Variants in SLC4A4 observed in about 807,000 individuals in gnomAD.
SLC4A4 encodes the protein electrogenic sodium bicarbonate cotransporter 1.
In SLC4A4, 27 loss-of-function variants were observed where a neutral mutation model predicts 111.5. The observed-to-expected ratio is 0.24, with a 90% CI of 0.18 to 0.33. The LOEUF (loss-of-function observed/expected upper bound fraction) is 0.33. SLC4A4 is among the 10% of genes least tolerant of loss of function. The pLI, the probability that SLC4A4 is intolerant of heterozygous loss-of-function variation, is 1.00. For synonymous variants in SLC4A4, 443 were observed against 463.4 expected, an observed-to-expected ratio of 0.96 and a Z score of 0.57; for missense variants, 909 against 1,315.5, an observed-to-expected ratio of 0.69 and a Z score of 4.78.
chr4:71,503,655 T>A (rs1164499492), intron 16 of SLC4A4, among the ~76,000 whole-genome samples: 1 of 152,204 alleles, frequency 6.6e-6, no homozygotes, highest in African/African-American at 2.4e-5. Flanking sequence ...TCTTAGTCAC[T>A]AATTATGGCT....
chr4:71,170,088 C>T (rs902257130), intron 2 of SLC4A4, among the ~76,000 whole-genome samples: 1 of 152,210 alleles, frequency 6.6e-6, no homozygotes, highest in Non-Finnish European at 1.5e-5. Context: ...GATCCTTTAA[C>T]GTGAGCTGTT....
Position 71,473,448 on chromosome 4 carries a change from A to C in SLC4A4, c.1903+478A>C, listed in dbSNP as rs371699914. On this transcript the variant is annotated intron_variant, in intron 14 of 25. Transcript: ENST00000264485. ...GATAATTTAAAGAATTAAATTATGA[A>C]AAAAAGAAATTCAGATTGGAATTGC... The C allele has an allele frequency of 3.1e-5, 7 of 227,258 alleles. No homozygotes were observed. In the East Asian group the frequency reaches 6.3e-4, roughly 20 times the overall value. 14.1% of individuals were successfully genotyped at this position (227,258 alleles called of 1,614,324 possible).
intron 1 of SLC4A4, among the ~76,000 whole-genome samples, chr4:71,082,016 A>G (rs762289302): frequency 6.6e-6 from 1 of 152,024 alleles, no homozygotes; most frequent in Admixed American, 6.5e-5. Context: ...TAAATGTACT[A>G]TCCAAATACC....
intron 2 of SLC4A4, among the ~76,000 whole-genome samples, chr4:71,250,547 T>C (rs1720992555): frequency 6.6e-6 from 1 of 152,158 alleles, no homozygotes; most frequent in Admixed American, 6.6e-5. Context: ...AGTACTGACA[T>C]ATCAGGTTAA....
intron 2 of SLC4A4, among the ~76,000 whole-genome samples, chr4:71,124,258 T>C (rs1030138552): frequency 6.6e-6 from 1 of 151,446 alleles, no homozygotes; most frequent in Non-Finnish European, 1.5e-5. Flanking sequence ...CTGCAACCTT[T>C]GCCTCCTGGT....
At chr4:71,269,858 T>C (rs911106856) in intron 3 of SLC4A4, among the ~76,000 whole-genome samples, 1 of 152,196 alleles carries the variant, frequency 6.6e-6, no homozygotes, top group Non-Finnish European at 1.5e-5. Context: ...ACTTACGAGC[T>C]TTTTGATGGT....
rs541738338 is a variant in SLC4A4, at chr4:71,410,839, G to A, written c.807+13186G>A. On this transcript the variant is annotated intron_variant, in intron 7 of 25. Coordinates refer to ENST00000264485, the MANE Select transcript of SLC4A4 (RefSeq NM_001098484.3). ...GTATATACAGGCAAATTTTATATTG[G>A]TGGTATTCTCTTTCCCCTCTCCTTT... is the stretch of plus-strand genomic sequence containing the variant. 1.1e-4 allele frequency among the ~76,000 whole-genome samples: 17 copies of A among 152,110 alleles called. No individual in the cohort carries two copies. In the East Asian group the frequency reaches 2.1e-3, roughly 19 times the overall value.
rs145711074 is a variant in SLC4A4 at position 71,070,361 on chromosome 4, CT to C, written c.-65+7576del. On this transcript the variant is annotated intron_variant, in intron 1 of 26. Transcript: ENST00000649996. ...ACTTAGTCACTCAGAATGAAGGAGT[CT>C]TTACCTTGTCAGACGAGTCTACAAT... is the stretch of plus-strand genomic sequence containing the variant. Among the ~76,000 whole-genome samples the C allele has an allele frequency of 6.6e-4, 100 of 152,272 alleles. 1 individual carries two copies. The East Asian group carries it at 0.017, about 26-fold the overall frequency.
chr4:71,421,128 A>G (rs1277802110), intron 7 of SLC4A4, among the ~76,000 whole-genome samples: 9 of 150,738 alleles, frequency 6.0e-5, no homozygotes, highest in African/African-American at 1.7e-4. Flanking sequence ...TCAAAATAAA[A>G]GGATGGAGGA....
intron 19 of SLC4A4, 27 bp from the exon 20 acceptor site, chr4:71,547,621 A>T: frequency 6.3e-7 from 1 of 1,580,242 alleles, no homozygotes; most frequent in Non-Finnish European, 8.7e-7. Context: ...CAAGAGGTAG[A>T]TTGGTAATCT....
intron 14 of SLC4A4, among the ~76,000 whole-genome samples, chr4:71,476,585 C>CT (rs940727443): frequency 1.4e-4 from 21 of 151,760 alleles, no homozygotes; most frequent in African/African-American, 4.3e-4. Flanking sequence ...TATATTGTGG[C>CT]TTTTTTATAT....
At chr4:71,086,599 G>A (rs901630498) in intron 1 of SLC4A4, among the ~76,000 whole-genome samples, 1 of 151,964 alleles carries the variant, frequency 6.6e-6, no homozygotes, top group African/African-American at 2.4e-5. Context: ...AATTTATTGA[G>A]AGTTTTTAGC....
chr4:71,270,694 G>A (rs1039508429), intron 3 of SLC4A4, among the ~76,000 whole-genome samples: 17 of 152,162 alleles, frequency 1.1e-4, no homozygotes, highest in African/African-American at 3.4e-4. Flanking sequence ...ACTTTTGGAT[G>A]TACCAGTTAT....
chr4:71,492,191 A>T lies in SLC4A4; in HGVS notation c.1974+5173A>T, dbSNP rs192406001. On this transcript the variant is annotated intron_variant, in intron 15 of 25. Coordinates refer to ENST00000264485, the MANE Select transcript of SLC4A4 (RefSeq NM_001098484.3). Reference sequence around the variant, plus strand: ...CCTACTTTTAAAAGTATTACGTAAAATTTTAAATATGCACTAAAATAGAAT... The same window carrying T: ...CCTACTTTTAAAAGTATTACGTAAATTTTTAAATATGCACTAAAATAGAAT... 1.0e-3 allele frequency among the ~76,000 whole-genome samples: 157 copies of T among 151,804 alleles called. 3 individuals are homozygous for T. The highest frequency in any genetic ancestry group is 0.01 in the Admixed American group (155 of 15,200).
chr4:71,187,659 C>G (rs1368595551), intron 1 of SLC4A4, among the ~76,000 whole-genome samples: 1 of 152,176 alleles, frequency 6.6e-6, no homozygotes, highest in African/African-American at 2.4e-5. Context: ...GTCTGCTTCT[C>G]CCTCACTGCT....
In SLC4A4 at chr4:71,062,975, C is replaced by T. The variant is rs905412202; in HGVS notation, c.-65+187C>T. On this transcript the variant is annotated intron_variant, in intron 1 of 26. Transcript: ENST00000649996. ...AAAAGGTGCAAATACAGTGCACACA[C>T]GCAAGTATATATATGCTCATATATT... Among the ~76,000 whole-genome samples, 7 of 151,990 alleles carry T rather than the reference C, an allele frequency of 4.6e-5. No individual in the cohort carries two copies. The South Asian group carries it at 6.2e-4, about 14-fold the overall frequency.
intron 3 of SLC4A4, among the ~76,000 whole-genome samples, chr4:71,266,556 A>G (rs745927275): frequency 1.3e-5 from 2 of 152,144 alleles, no homozygotes; most frequent in Non-Finnish European, 2.9e-5. Flanking sequence ...GTAAGTAGGG[A>G]CTTTTACTCT....
In SLC4A4 at chr4:71,215,903, A is replaced by ATT. The variant is rs990635246; in HGVS notation, c.-1-20655_-1-20654dup. Among the ~76,000 whole-genome samples the ATT allele has an allele frequency of 9.9e-4, 127 of 127,836 alleles. 2 individuals carry two copies. The highest frequency in any genetic ancestry group is 2.8e-3 in the African/African-American group (96 of 34,436). 83.9% of individuals were successfully genotyped at this position (127,836 alleles called of 152,430 possible). A position where few individuals can be genotyped will look rare whatever the true frequency, so the allele number is the denominator to read the frequency against. On this transcript the variant is annotated intron_variant, in intron 1 of 25. Coordinates refer to ENST00000264485, the MANE Select transcript of SLC4A4 (RefSeq NM_001098484.3). The stretch of plus-strand genomic sequence containing the variant: ...CTTGTCTACCAACTTTGTCATTTCT[A>ATT]TTTTTTTTTTTTTTTTTTTGAGATG...
chr4:71,540,535 T>G (rs1734945030), intron 18 of SLC4A4, among the ~76,000 whole-genome samples: 1 of 152,168 alleles, frequency 6.6e-6, no homozygotes, highest in Non-Finnish European at 1.5e-5. Context: ...ATATTTAACC[T>G]TTTGAGCATT....
Sources: gnomAD v4.1 joint callset for allele counts (sites outside exome capture counted in the v4.1 genomes callset) on GRCh38, gnomAD v4.1.1 for gene constraint, MANE v1.5 for transcripts, NCBI Gene and HGNC (gene_info 2026-07-23, HGNC 2026-07-21) for gene names.